Variants in TENM3 observed in about 807,000 individuals in gnomAD.
The protein encoded by TENM3 is teneurin-3.
In TENM3, 63 loss-of-function variants were observed where a neutral mutation model predicts 255.1. The observed-to-expected ratio is 0.25, with a 90% CI of 0.20 to 0.30. TENM3 has a LOEUF of 0.30. Ranked by LOEUF, TENM3 falls within the 10% of genes least tolerant of loss-of-function variation. The probability of loss-of-function intolerance (pLI) is 1.00; values close to 1 mark genes in which losing one functional copy is unlikely to be tolerated. For synonymous variants in TENM3, 1,306 were observed against 1,322.3 expected (o/e 0.99, Z 0.27); for missense variants, 2,929 against 3,461.1 (o/e 0.85, Z 3.86).
chr4:182,133,640 G>A, the TENM3 span, among the ~76,000 whole-genome samples: 968 of 152,114 alleles, frequency 6.4e-3, 6 homozygotes, highest in Middle Eastern at 0.02. Context: ...TTTATTTTAC[G>A]ACTCTTAGAA....
chr4:182,458,484 T>C (rs1210413625), intron 3 of TENM3, among the ~76,000 whole-genome samples: 1 of 152,190 alleles, frequency 6.6e-6, no homozygotes, highest in Non-Finnish European at 1.5e-5. Context: ...TGGTGTGACC[T>C]TGGAAAAGTC....
At chr4:181,686,331 C>A in the TENM3 span, among the ~76,000 whole-genome samples, 1 of 152,118 alleles carries the variant, frequency 6.6e-6, no homozygotes, top group African/African-American at 2.4e-5. Context: ...AGAATACTTT[C>A]GAAATCTTCT....
rs143507212 is a variant in TENM3 at position 182,211,832 on chromosome 4, G to T, written c.-76+67078G>T. On this transcript the variant is annotated intron_variant, in intron 1 of 2. Transcript: ENST00000512480. Reference sequence around the variant, plus strand: ...TGAAAATTGATCTTTTACTTACCGTGTGACTTTGTACAGATTCCTTAATCC... The same window carrying T: ...TGAAAATTGATCTTTTACTTACCGTTTGACTTTGTACAGATTCCTTAATCC... 1.8e-3 allele frequency among the ~76,000 whole-genome samples: 269 copies of T among 152,168 alleles called. 1 individual carries two copies. The highest frequency in any genetic ancestry group is 6.2e-3 in the African/African-American group (258 of 41,512).
chr4:182,557,564 GTCTTTTTT>G (rs1310256621), intron 3 of TENM3, among the ~76,000 whole-genome samples: 1 of 151,968 alleles, frequency 6.6e-6, no homozygotes, highest in African/African-American at 2.4e-5. Flanking sequence ...TGTGCTAATG[GTCTTTTTT>G]ATTGATGAAT....
chr4:182,233,774 CA>C (rs1224200129), intron 1 of TENM3, among the ~76,000 whole-genome samples: 1 of 151,972 alleles, frequency 6.6e-6, no homozygotes, highest in Non-Finnish European at 1.5e-5. Flanking sequence ...TCCCATTGAA[CA>C]AAAAAAGGAA....
chr4:182,769,455 T>A (rs1470738072), intron 22 of TENM3, among the ~76,000 whole-genome samples: 1 of 151,134 alleles, frequency 6.6e-6, no homozygotes. Flanking sequence ...ATGTGGAGAA[T>A]GTTTTCATCA....
chr4:181,934,433 T>C, the TENM3 span, among the ~76,000 whole-genome samples: 1 of 152,216 alleles, frequency 6.6e-6, no homozygotes, highest in Non-Finnish European at 1.5e-5. Context: ...TAAATAGCTC[T>C]AATTACATTC....
At chr4:181,690,036 C>T in the TENM3 span, among the ~76,000 whole-genome samples, 1 of 152,036 alleles carries the variant, frequency 6.6e-6, no homozygotes, top group Non-Finnish European at 1.5e-5. Flanking sequence ...GCATATTGAA[C>T]GTGTCAATCT....
At chr4:181,835,518 C>T in the TENM3 span, among the ~76,000 whole-genome samples, 1 of 152,170 alleles carries the variant, frequency 6.6e-6, no homozygotes, top group Admixed American at 6.5e-5. Context: ...CACAAAAAGA[C>T]AACTTACCGC....
rs373793305 is a variant in TENM3 at position 182,601,139 on chromosome 4, A to G, written c.727A>G (p.Ser243Gly). 9.9e-6 allele frequency: 16 copies of G among 1,613,866 alleles called. No individual in the cohort carries two copies. Among genetic ancestry groups the G allele is most frequent in the Non-Finnish European group, 1.3e-5 (15 of 1,179,816 alleles). Residue 243 changes from serine to glycine, a missense_variant, in exon 4 of 28, where the codon AGT becomes GGT. Physicochemically the swap from Ser to Gly is moderately conservative, Grantham distance 56 (BLOSUM62 0). Coordinates refer to ENST00000511685, the MANE Select transcript of TENM3 (RefSeq NM_001080477.4). Reference sequence around the variant, plus strand: ...GCTGCAGGACAGCTGGGTCCTTGGCAGTAATGTACCACTGGAAAGCAGGTA... The same window carrying G: ...GCTGCAGGACAGCTGGGTCCTTGGCGGTAATGTACCACTGGAAAGCAGGTA... ...VQLQDSWVLG[S>G]NVPLESRHFL...
At chr4:182,356,344 A>T (rs1441043927) in intron 3 of TENM3, among the ~76,000 whole-genome samples, 1 of 152,068 alleles carries the variant, frequency 6.6e-6, no homozygotes, top group East Asian at 1.9e-4. Context: ...CTCAGAGAAA[A>T]AGCTTCCAGT....
At chr4:181,629,622 A>G in the TENM3 span, among the ~76,000 whole-genome samples, 1 of 152,152 alleles carries the variant, frequency 6.6e-6, no homozygotes, top group Non-Finnish European at 1.5e-5. Flanking sequence ...GGTTCTGTTT[A>G]TATGCTGGAT....
the TENM3 span, among the ~76,000 whole-genome samples, chr4:182,102,564 C>G: frequency 5.3e-5 from 8 of 152,182 alleles, no homozygotes; most frequent in African/African-American, 1.9e-4. Flanking sequence ...GAGATCTTTC[C>G]TGGGAACTCC....
intron 3 of TENM3, among the ~76,000 whole-genome samples, chr4:182,455,531 A>T (rs1414847766): frequency 1.4e-5 from 2 of 147,150 alleles, no homozygotes; most frequent in African/African-American, 5.0e-5. Context: ...AGAGTTTCCA[A>T]GAGCTGACTT....
At chr4:181,784,023 A>G in the TENM3 span, among the ~76,000 whole-genome samples, 2 of 152,262 alleles carry the variant, frequency 1.3e-5, no homozygotes, top group South Asian at 2.1e-4. Context: ...TTTACGTACT[A>G]TGTTTCAACA....
chr4:182,771,203 T>C lies in TENM3; in HGVS notation c.4893-2269T>C, dbSNP rs182539129. 4.0e-3 allele frequency among the ~76,000 whole-genome samples: 607 copies of C among 152,328 alleles called. 4 individuals are homozygous for C. Among genetic ancestry groups the C allele is most frequent in the Middle Eastern group, 0.014 (4 of 294 alleles). ...GCAAAGTCAGAGGTTGCAGAAATGC[T>C]TTCTACAGGAGAAAGGTGAAGTTTC... On this transcript the variant is annotated intron_variant, in intron 22 of 27. Transcript: ENST00000511685.
the TENM3 span, among the ~76,000 whole-genome samples, chr4:181,623,273 C>T: frequency 1.1e-4 from 16 of 152,276 alleles, no homozygotes; most frequent in South Asian, 2.9e-3. Context: ...TTAATACCTA[C>T]CTCATAGGCT....
At chr4:181,779,451 AC>A in the TENM3 span, among the ~76,000 whole-genome samples, 47 of 151,718 alleles carry the variant, frequency 3.1e-4, no homozygotes, top group African/African-American at 1.1e-3. Context: ...ACAGTCCAAA[AC>A]CACCCTGGGA....
At chr4:182,659,040 G>A (rs1332409314) in intron 6 of TENM3, among the ~76,000 whole-genome samples, 1 of 152,216 alleles carries the variant, frequency 6.6e-6, no homozygotes, top group Non-Finnish European at 1.5e-5. Flanking sequence ...TGCTGGTCAG[G>A]AAGTCAGCAA....
Sources: gnomAD v4.1 joint callset for allele counts (sites outside exome capture counted in the v4.1 genomes callset) on GRCh38, gnomAD v4.1.1 for gene constraint, MANE v1.5 for transcripts, NCBI Gene and HGNC (gene_info 2026-07-23, HGNC 2026-07-21) for gene names.